XPO4: variants seen among roughly 807,000 people sequenced by gnomAD.
XPO4 encodes the protein exportin-4.
A neutral mutation model predicts 143.0 loss-of-function variants in XPO4; 39 were observed. The observed-to-expected ratio is 0.27, with a 90% CI of 0.21 to 0.36. XPO4 has a LOEUF of 0.36. XPO4 is among the 10% of genes least tolerant of loss of function. The pLI is 1.00. For synonymous variants in XPO4, 439 were observed against 474.0 expected (o/e 0.93, Z 0.96); for missense variants, 907 against 1,348.0 (o/e 0.67, Z 5.12).
At chr13:20,792,722 A>AC (rs2059303168) in intron 18 of XPO4, among the ~76,000 whole-genome samples, 3 of 71,092 alleles carry the variant, frequency 4.2e-5, no homozygotes, top group African/African-American at 9.4e-5. Context: ...ACTCTGTCTC[A>AC]CAAAAAAAAA....
At chr13:20,829,207 C>A (rs1007903799) in intron 6 of XPO4, among the ~76,000 whole-genome samples, 2 of 152,142 alleles carry the variant, frequency 1.3e-5, no homozygotes, top group African/African-American at 4.8e-5. Flanking sequence ...ATCCTCCTGG[C>A]TCAGCCTCCC....
At chr13:20,825,106 A>C (rs1006251721) in intron 7 of XPO4, among the ~76,000 whole-genome samples, 1 of 152,200 alleles carries the variant, frequency 6.6e-6, no homozygotes, top group Non-Finnish European at 1.5e-5. Flanking sequence ...CATAAGCGAG[A>C]TCAAGAAGAC....
At chr13:20,894,413 C>A (rs2060548328) in intron 1 of XPO4, among the ~76,000 whole-genome samples, 2 of 152,142 alleles carry the variant, frequency 1.3e-5, no homozygotes, top group Admixed American at 1.3e-4. Flanking sequence ...AAATGGAATG[C>A]CCTGCATTTG....
At chr13:20,870,089 C>CAAAAAAAAAAAAAA (rs59710121) in intron 1 of XPO4, among the ~76,000 whole-genome samples, 11 of 98,930 alleles carry the variant, frequency 1.1e-4, no homozygotes, top group African/African-American at 4.9e-4. Context: ...GAAGGAGTCT[C>CAAAAAAAAAAAAAA]AAAAAAAAAA....
intron 1 of XPO4, among the ~76,000 whole-genome samples, chr13:20,884,057 C>T (rs937735739): frequency 6.6e-6 from 1 of 152,214 alleles, no homozygotes; most frequent in Non-Finnish European, 1.5e-5. Flanking sequence ...TGAGCCACCA[C>T]ACCCGGCCAA....
intron 4 of XPO4, chr13:20,852,669 G>A: frequency 2.1e-6 from 2 of 973,532 alleles, no homozygotes; most frequent in Non-Finnish European, 2.4e-6. Flanking sequence ...AATATTTATG[G>A]CAACATGGAA....
chr13:20,812,547 CTT>C (rs556088192), intron 9 of XPO4, among the ~76,000 whole-genome samples: 34 of 151,714 alleles, frequency 2.2e-4, no homozygotes, highest in African/African-American at 8.2e-4. Context: ...AAAAAAAAAA[CTT>C]TCAACTACAT....
At chr13:20,801,529 A>C (rs987409797) in intron 13 of XPO4, among the ~76,000 whole-genome samples, 1 of 152,344 alleles carries the variant, frequency 6.6e-6, no homozygotes, top group East Asian at 1.9e-4. Context: ...TTTTTAAATA[A>C]AACTCTTGCT....
Position 20,782,554 on chromosome 13 carries a change from T to G in XPO4, c.*1168A>C, listed in dbSNP as rs2059154268. 1 of 152,618 alleles carries G rather than the reference T, an allele frequency of 6.6e-6. No homozygotes were observed. The highest frequency in any genetic ancestry group is 2.4e-5 in the African/African-American group (1 of 41,444). The allele number at this position is 152,618 out of a possible 1,614,324, so 9.5% of individuals were successfully genotyped here. Reference sequence around the variant, plus strand: ...CCCCTAATGCCCCAACGTGCAATAGTCTGTGTGAATCAGTGATTCACATCC... The same window carrying G: ...CCCCTAATGCCCCAACGTGCAATAGGCTGTGTGAATCAGTGATTCACATCC... On this transcript the variant is annotated 3_prime_UTR_variant, in exon 23 of 23. Coordinates refer to ENST00000255305, the MANE Select transcript of XPO4 (RefSeq NM_022459.5).
rs2059134132 is a variant in XPO4, at chr13:20,780,878, T to G, written c.*2844A>C. Reference sequence around the variant, plus strand: ...AAGGACTATAAAAGCAAATCAATCCTTTTAACAGAACAAGAACACAGTTAC... The same window carrying G: ...AAGGACTATAAAAGCAAATCAATCCGTTTAACAGAACAAGAACACAGTTAC... On this transcript the variant is annotated 3_prime_UTR_variant, in exon 23 of 23. Coordinates refer to ENST00000255305, the MANE Select transcript of XPO4 (RefSeq NM_022459.5). 1 of 152,168 alleles carries G rather than the reference T, an allele frequency of 6.6e-6. No individual in the cohort carries two copies. Among genetic ancestry groups the G allele is most frequent in the Non-Finnish European group, 1.5e-5 (1 of 68,030 alleles). 9.4% of individuals were successfully genotyped at this position (152,168 alleles called of 1,614,324 possible).
At chr13:20,902,597 C>T in intron 1 of XPO4, 73 bp downstream of exon 1, 1 of 1,444,390 alleles carries the variant, frequency 6.9e-7, no homozygotes. Context: ...GCCCAGCGAG[C>T]AGCAAGGCCT....
intron 6 of XPO4, among the ~76,000 whole-genome samples, chr13:20,839,849 G>A (rs2059955927): frequency 6.6e-6 from 1 of 152,044 alleles, no homozygotes; most frequent in South Asian, 2.1e-4. Context: ...TGGGTGTGGT[G>A]GTGCACACCT....
At chr13:20,852,484 T>A (rs977206881) in intron 4 of XPO4, 2 of 985,282 alleles carry the variant, frequency 2.0e-6, no homozygotes, top group African/African-American at 3.5e-5. Flanking sequence ...GGAAGCAAAT[T>A]CGAACAAATT....
intron 1 of XPO4, among the ~76,000 whole-genome samples, chr13:20,886,502 C>T (rs1224859032): frequency 6.6e-6 from 1 of 151,576 alleles, no homozygotes; most frequent in Non-Finnish European, 1.5e-5. Flanking sequence ...ATCCCAGTTA[C>T]TCGGGAGGCT....
intron 19 of XPO4, among the ~76,000 whole-genome samples, 177 bp downstream of exon 19, chr13:20,790,285 G>A (rs561411161): frequency 1.3e-5 from 2 of 152,130 alleles, no homozygotes; most frequent in Non-Finnish European, 2.9e-5. Context: ...CTAAGTAAGG[G>A]CCCATGTTAC....
intron 9 of XPO4, among the ~76,000 whole-genome samples, chr13:20,812,648 A>C (rs2059596893): frequency 6.6e-6 from 1 of 152,150 alleles, no homozygotes; most frequent in Admixed American, 6.5e-5. Flanking sequence ...CAGGAAGAGG[A>C]CATTGGGGGA....
chr13:20,900,758 C>T (rs1336652386), intron 1 of XPO4, among the ~76,000 whole-genome samples: 1 of 151,530 alleles, frequency 6.6e-6, no homozygotes, highest in Non-Finnish European at 1.5e-5. Context: ...ATTAAAGGTG[C>T]CAGCCATCAC....
intron 9 of XPO4, among the ~76,000 whole-genome samples, chr13:20,816,984 T>G (rs1265657109): frequency 6.6e-6 from 1 of 152,222 alleles, no homozygotes; most frequent in Non-Finnish European, 1.5e-5. Context: ...TGAATGTGCT[T>G]GATGGGTGGG....
intron 19 of XPO4, among the ~76,000 whole-genome samples, chr13:20,789,599 G>A (rs904873755): frequency 1.3e-5 from 2 of 150,958 alleles, no homozygotes. Context: ...TAGTAGAGGC[G>A]GGGTTTCACC....
Sources: allele counts gnomAD v4.1 joint callset (sites outside exome capture counted in the v4.1 genomes callset), GRCh38; gene constraint gnomAD v4.1.1; transcripts MANE v1.5; gene names NCBI Gene and HGNC (gene_info 2026-07-23, HGNC 2026-07-21).